NFASC: variants seen among roughly 807,000 people sequenced by gnomAD.
NFASC encodes the protein neurofascin, also known as neurofascin homolog.
NFASC carries 43 observed loss-of-function variants against 147.5 expected under a neutral mutation model. The ratio of observed to expected loss-of-function variants is 0.29; its 90% confidence interval spans 0.23 to 0.38. NFASC has a LOEUF of 0.38. Ranked by LOEUF, NFASC falls within the 10% of genes least tolerant of loss-of-function variation. NFASC has a pLI of 1.00. For synonymous variants in NFASC, 622 were observed against 665.5 expected, an observed-to-expected ratio of 0.93 and a Z score of 1.01; for missense variants, 1,320 against 1,689.0, an observed-to-expected ratio of 0.78 and a Z score of 3.83.
chr1:204,899,467 C>T (rs991530013), intron 1 of NFASC, among the ~76,000 whole-genome samples: 3 of 152,202 alleles, frequency 2.0e-5, no homozygotes, highest in Admixed American at 6.5e-5. Flanking sequence ...CCACTGGTAC[C>T]AGTAGGTGAG....
intron 1 of NFASC, among the ~76,000 whole-genome samples, chr1:204,873,587 GCTGGACAGATCC>G (rs1007816324): frequency 2.6e-5 from 4 of 152,216 alleles, no homozygotes; most frequent in African/African-American, 9.7e-5. Flanking sequence ...CACACAAGGA[GCTGGACAGATCC>G]CGGGGAAGGC....
intron 2 of NFASC, among the ~76,000 whole-genome samples, chr1:204,933,781 GA>G (rs919816940): frequency 6.6e-6 from 1 of 151,232 alleles, no homozygotes; most frequent in Non-Finnish European, 1.5e-5. Flanking sequence ...AAGAGATGGA[GA>G]AAAAAATTCT....
intron 2 of NFASC, among the ~76,000 whole-genome samples, chr1:204,942,967 G>A (rs1489152656): frequency 2.0e-5 from 3 of 152,126 alleles, no homozygotes; most frequent in Non-Finnish European, 2.9e-5. Flanking sequence ...AGGATCTCTC[G>A]CCCCCTCAGA....
intron 8 of NFASC, among the ~76,000 whole-genome samples, chr1:204,959,646 G>A (rs111405081): frequency 7.9e-5 from 12 of 152,228 alleles, no homozygotes; most frequent in African/African-American, 1.4e-4. Flanking sequence ...CCCAGACGAC[G>A]CTAGAAATCG....
chr1:204,831,234 G>T (rs1672152695), intron 1 of NFASC, among the ~76,000 whole-genome samples: 1 of 151,906 alleles, frequency 6.6e-6, no homozygotes, highest in South Asian at 2.1e-4. Flanking sequence ...CCCTTGTTTG[G>T]CATCAGAAAG....
chr1:204,948,503 C>T (rs1449862247), intron 3 of NFASC: 3 of 469,310 alleles, frequency 6.4e-6, no homozygotes, highest in Non-Finnish European at 1.3e-5. Context: ...ACTCACCCTT[C>T]TCCAGAATGT....
intron 1 of NFASC, among the ~76,000 whole-genome samples, chr1:204,853,800 T>C (rs2075902028): frequency 6.6e-6 from 1 of 152,172 alleles, no homozygotes; most frequent in African/African-American, 2.4e-5. Flanking sequence ...GCTGGGTTTC[T>C]CAAAACACCC....
At chr1:204,855,312 A>C (rs1008776489) in intron 1 of NFASC, among the ~76,000 whole-genome samples, 1 of 152,240 alleles carries the variant, frequency 6.6e-6, no homozygotes, top group Non-Finnish European at 1.5e-5. Flanking sequence ...TATAACTGGG[A>C]ACCAAGAGAC....
intron 1 of NFASC, among the ~76,000 whole-genome samples, chr1:204,885,161 T>G (rs568289428): frequency 2.8e-4 from 42 of 152,176 alleles, no homozygotes; most frequent in Non-Finnish European, 5.4e-4. Flanking sequence ...AAGATGATTT[T>G]AAAGACCTTT....
At position 204,970,602 on chromosome 1, in the gene NFASC, G is replaced by A. The variant is rs2095209816; in HGVS notation, c.1004-14G>A. On this transcript the variant is annotated splice_polypyrimidine_tract_variant and intron_variant, in intron 10 of 29. Transcript: ENST00000339876. Reference sequence around the variant, plus strand: ...CCATCTAACTCCCCTGCCTGTGTCTGTCTTGTCTTCCAGCTGCTCCCTACT... The same window carrying A: ...CCATCTAACTCCCCTGCCTGTGTCTATCTTGTCTTCCAGCTGCTCCCTACT... 2 of 1,613,444 alleles carry A rather than the reference G, an allele frequency of 1.2e-6. No homozygotes were observed. The highest frequency in any genetic ancestry group is 2.7e-5 in the African/African-American group (2 of 74,914).
intron 1 of NFASC, among the ~76,000 whole-genome samples, chr1:204,904,912 TTATAATAA>T (rs2085463956): frequency 6.6e-6 from 1 of 152,074 alleles, no homozygotes; most frequent in Non-Finnish European, 1.5e-5. Context: ...GCTTACTTAT[TTATAATAA>T]TATAATAAGT....
rs1344009263 is a variant in NFASC, at chr1:205,002,601, C to T, written c.3142C>T (p.His1048Tyr). The change falls in exon 27 of 30, where the codon CAT becomes TAT. Residue 1048 changes from histidine (H) to tyrosine (Y), a missense_variant. Physicochemically the swap from His to Tyr is moderately conservative, Grantham distance 83. This residue lies in a region of NFASC where 172 missense variants were observed against 165.8 expected (regional missense o/e 1.04). Coordinates refer to ENST00000339876, the MANE Select transcript of NFASC (RefSeq NM_001005388.3). ...DFVVEYIDSN[H>Y]TKKTVPVKAQ... ...TTGAGGTTTCTGTTCCCCAGGCAAC[C>T]ATACGAAAAAAACTGTCCCAGTTAA... is the stretch of plus-strand genomic sequence containing the variant. 26 of 1,513,940 alleles carry T rather than the reference C, an allele frequency of 1.7e-5. No individual in the cohort carries two copies. Among genetic ancestry groups the T allele is most frequent in the Non-Finnish European group, 2.3e-5 (26 of 1,113,968 alleles). The allele number at this position is 1,513,940 out of a possible 1,614,324, so 93.8% of individuals were successfully genotyped here. A position where few individuals can be genotyped will look rare whatever the true frequency, so the allele number is the denominator to read the frequency against.
chr1:204,965,566 C>G (rs879356402), intron 8 of NFASC, among the ~76,000 whole-genome samples: 1 of 152,194 alleles, frequency 6.6e-6, no homozygotes, highest in Non-Finnish European at 1.5e-5. Flanking sequence ...CCCTCCTCAG[C>G]TTCTTTTTCT....
intron 1 of NFASC, among the ~76,000 whole-genome samples, chr1:204,911,410 G>A (rs1348734417): frequency 6.6e-6 from 1 of 152,016 alleles, no homozygotes; most frequent in Non-Finnish European, 1.5e-5. Flanking sequence ...AGAAATGGAG[G>A]TCTCAAGATA....
chr1:204,903,615 A>G (rs2085144274), intron 1 of NFASC, among the ~76,000 whole-genome samples: 1 of 152,144 alleles, frequency 6.6e-6, no homozygotes, highest in Non-Finnish European at 1.5e-5. Context: ...TCCTACTTGC[A>G]GGACTGGGGG....
At chr1:204,901,727 A>G (rs1291038308) in intron 1 of NFASC, among the ~76,000 whole-genome samples, 2 of 152,178 alleles carry the variant, frequency 1.3e-5, no homozygotes, top group East Asian at 3.9e-4. Flanking sequence ...TCAGGTTGGG[A>G]TAAATCACAG....
At chr1:204,989,635 A>G (rs1297652582) in intron 23 of NFASC, 1 of 152,216 alleles carries the variant, frequency 6.6e-6, no homozygotes, top group East Asian at 1.9e-4. Flanking sequence ...CAGAGATACA[A>G]TGGTCTATTC....
chr1:204,874,400 G>A (rs939683389), intron 1 of NFASC, among the ~76,000 whole-genome samples: 2 of 152,190 alleles, frequency 1.3e-5, no homozygotes, highest in Non-Finnish European at 2.9e-5. Flanking sequence ...TCGTCTTCTG[G>A]TGTACGCCAG....
rs115451709 is a variant in NFASC at position 205,014,597 on chromosome 1, T to A, written c.3492-1711T>A. ...CAGGTGGCCAGACCAGGGCCACCCC[T>A]AGTCATTCTAGTTTCTTTCAAGCTT... is the stretch of plus-strand genomic sequence containing the variant. On this transcript the variant is annotated intron_variant, in intron 29 of 29. Transcript: ENST00000339876. 5.7e-3 allele frequency among the ~76,000 whole-genome samples: 866 copies of A among 152,212 alleles called. 10 individuals are homozygous for A. The highest frequency in any genetic ancestry group is 0.02 in the African/African-American group (823 of 41,522).
Sources: allele counts gnomAD v4.1 joint callset (sites outside exome capture counted in the v4.1 genomes callset), GRCh38; gene constraint gnomAD v4.1.1; regional missense constraint gnomAD v4.1.1; transcripts MANE v1.5; gene names NCBI Gene and HGNC (gene_info 2026-07-23, HGNC 2026-07-21).